Variants in DDI2 observed in about 807,000 individuals in gnomAD.
The protein encoded by DDI2 is DDI proteasomal shuttling factor 2, also known as protein DDI1 homolog 2.
DDI2 carries 5 observed loss-of-function variants against 48.1 expected under a neutral mutation model. That is an observed-to-expected ratio of 0.10 (90% CI 0.05 to 0.22). The LOEUF (loss-of-function observed/expected upper bound fraction) is 0.22. Ranked by LOEUF, DDI2 falls within the 10% of genes least tolerant of loss-of-function variation. DDI2 has a pLI of 1.00. For missense variants in DDI2, 285 were observed against 506.2 expected, an observed-to-expected ratio of 0.56 and a Z score of 4.19; for synonymous variants, 205 against 183.6, an observed-to-expected ratio of 1.12 and a Z score of -0.94.
In DDI2 at chr1:15,665,485, A is replaced by G. The variant is rs1431990895; in HGVS notation, c.*5695A>G. On this transcript the variant is annotated 3_prime_UTR_variant, in exon 10 of 10. Coordinates refer to ENST00000480945, the MANE Select transcript of DDI2 (RefSeq NM_032341.5). ...CATGAGGCTTTTTGTCACTGATTTT[A>G]TGATAACCAGTTAATGTGGAATCTG... is the stretch of plus-strand genomic sequence containing the variant. 1 of 152,160 alleles carries G rather than the reference A, an allele frequency of 6.6e-6. No individual in the cohort carries two copies. The highest frequency in any genetic ancestry group is 1.5e-5 in the Non-Finnish European group (1 of 68,034). The allele number at this position is 152,160 out of a possible 1,614,324, so 9.4% of individuals were successfully genotyped here. A position where few individuals can be genotyped will look rare whatever the true frequency, so the allele number is the denominator to read the frequency against.
rs779927649 is a variant in DDI2 at position 15,630,441 on chromosome 1, C to T, written c.385C>T (p.Pro129Ser). ...ATCTCCTGGAGAAATAACTTCATCT[C>T]CTCAGGGCTTGGACAATCCAGCCTT... is the stretch of plus-strand genomic sequence containing the variant. ...HSSPGEITSS[P>S]QGLDNPALLR... Residue 129 changes from proline to serine, a missense_variant, in exon 3 of 10, where the codon CCT becomes TCT. Physicochemically the swap from Pro to Ser is moderately conservative, Grantham distance 74. Coordinates refer to ENST00000480945, the MANE Select transcript of DDI2 (RefSeq NM_032341.5). The T allele has an allele frequency of 1.8e-5, 29 of 1,614,240 alleles. No homozygotes were observed. Among genetic ancestry groups the T allele is most frequent in the South Asian group, 1.3e-4 (12 of 91,082 alleles).
intron 8 of DDI2, among the ~76,000 whole-genome samples, chr1:15,654,065 G>A (rs1176904011): frequency 6.6e-6 from 1 of 152,040 alleles, no homozygotes; most frequent in Non-Finnish European, 1.5e-5. Context: ...TTTGAGTTTG[G>A]GTTATTTTAC....
At position 15,656,386 on chromosome 1, in the gene DDI2, T is replaced by C. The variant is rs966472430; in HGVS notation, c.1184-231T>C. On this transcript the variant is annotated intron_variant, in intron 8 of 9. Transcript: ENST00000480945. ...TGTGTAGAAACAAAATTAATTTCTT[T>C]ACAAGATCTATTAAAAATCTGTTGA... 5.0e-6 allele frequency: 7 copies of C among 1,394,900 alleles called. No individual in the cohort carries two copies. The African/African-American group carries it at 7.3e-5, about 15-fold the overall frequency. 86.4% of individuals were successfully genotyped at this position (1,394,900 alleles called of 1,614,324 possible).
rs767665307 is a variant in DDI2, at chr1:15,661,382, A to G, written c.*1592A>G. On this transcript the variant is annotated 3_prime_UTR_variant, in exon 10 of 10. Coordinates refer to ENST00000480945, the MANE Select transcript of DDI2 (RefSeq NM_032341.5). ...TTAGCAGGTGAGGAGGATGCACTCA[A>G]TCAGACTTCTGAGCAAACTAAGTCT... 5.0e-6 allele frequency: 8 copies of G among 1,614,216 alleles called. No individual in the cohort carries two copies. The highest frequency in any genetic ancestry group is 1.3e-5 in the African/African-American group (1 of 75,066).
intron 5 of DDI2, 113 bp from the exon 6 acceptor site, chr1:15,643,409 C>G: frequency 6.8e-7 from 1 of 1,463,746 alleles, no homozygotes; most frequent in Non-Finnish European, 9.1e-7. Context: ...TTATAGAGAC[C>G]AAAGCCTTGG....
At chr1:15,638,531 T>C in intron 5 of DDI2, 97 bp downstream of exon 5, 1 of 138,436 alleles carries the variant, frequency 7.2e-6, no homozygotes, top group Admixed American at 8.7e-5. Context: ...ATGGCTGTAC[T>C]TTTTTTTTTT....
Position 15,660,771 on chromosome 1 carries a change from G to C in DDI2, c.*981G>C. ...AATGTAACCCTTCATCTGAAATTTTGAATGATTCCATTTCCACTCAGGATT... is the reference window on the plus strand; with the variant it reads ...AATGTAACCCTTCATCTGAAATTTTCAATGATTCCATTTCCACTCAGGATT... On this transcript the variant is annotated 3_prime_UTR_variant, in exon 10 of 10. Transcript: ENST00000480945. 6.2e-7 allele frequency: 1 copy of C among 1,613,750 alleles called. No homozygotes were observed. Among genetic ancestry groups the C allele is most frequent in the South Asian group, 1.1e-5 (1 of 90,994 alleles).
Position 15,649,820 on chromosome 1 carries a change from C to G in DDI2, c.990C>G (p.His330Gln). 3 of 1,607,708 alleles carry G rather than the reference C, an allele frequency of 1.9e-6. No homozygotes were observed. Among genetic ancestry groups the G allele is most frequent in the Non-Finnish European group, 2.5e-6 (3 of 1,178,016 alleles). ...TGGGACTGGACATGCTTAAACGGCA[C>G]CAGGTAATTAAGAGCTTCACTTATT... The part of the protein sequence containing the change: ...MLLGLDMLKR[H>Q]QCSIDLKKNV... Residue 330 changes from histidine (H) to glutamine (Q), a missense_variant, in exon 7 of 10, where the codon CAC (histidine) becomes CAG (glutamine). Coordinates refer to ENST00000480945, the MANE Select transcript of DDI2 (RefSeq NM_032341.5).
intron 8 of DDI2, among the ~76,000 whole-genome samples, 155 bp downstream of exon 8, chr1:15,652,050 T>C (rs1640192675): frequency 6.8e-6 from 1 of 147,594 alleles, no homozygotes; most frequent in African/African-American, 2.6e-5. Context: ...CCTCCTTCTT[T>C]GATCTTCCTT....
chr1:15,625,447 A>G (rs1639737729), intron 1 of DDI2, among the ~76,000 whole-genome samples: 1 of 152,140 alleles, frequency 6.6e-6, no homozygotes, highest in Non-Finnish European at 1.5e-5. Flanking sequence ...TGATAAAATT[A>G]TAGTGTACCT....
chr1:15,628,980 T>A (rs972044721), intron 2 of DDI2, among the ~76,000 whole-genome samples: 7 of 152,196 alleles, frequency 4.6e-5, no homozygotes, highest in African/African-American at 7.2e-5. Context: ...TGTGTAAGGA[T>A]TAAAATTCCC....
Position 15,666,326 on chromosome 1 carries a change from G to A in DDI2, c.*6536G>A, listed in dbSNP as rs913375138. On this transcript the variant is annotated 3_prime_UTR_variant, in exon 10 of 10. Coordinates refer to ENST00000480945, the MANE Select transcript of DDI2 (RefSeq NM_032341.5). Reference sequence around the variant, plus strand: ...TGGTGGGGAATGAGAGGAGTATTAGGGGAAAGTTTGAAAATAGCTCTCCTG... The same window carrying A: ...TGGTGGGGAATGAGAGGAGTATTAGAGGAAAGTTTGAAAATAGCTCTCCTG... The A allele has an allele frequency of 3.9e-5, 6 of 152,202 alleles. No homozygotes were observed. Among genetic ancestry groups the A allele is most frequent in the Admixed American group, 3.9e-4 (6 of 15,268 alleles). 9.4% of individuals were successfully genotyped at this position (152,202 alleles called of 1,614,324 possible).
chr1:15,622,860 C>G (rs1444115454), intron 1 of DDI2, among the ~76,000 whole-genome samples: 1 of 152,142 alleles, frequency 6.6e-6, no homozygotes, highest in Non-Finnish European at 1.5e-5. Flanking sequence ...TTTAGTTGAT[C>G]TCATTTATGT....
intron 1 of DDI2, among the ~76,000 whole-genome samples, chr1:15,623,557 C>CTTATTATTATTATTATTA (rs202147595): frequency 0.03 from 2,511 of 84,020 alleles, 91 homozygotes; most frequent in African/African-American, 0.1. Flanking sequence ...CCATGCCTGG[C>CTTATTATTATTATTATTA]TTATTATTAT....
chr1:15,632,037 C>G (rs752115236), intron 3 of DDI2, among the ~76,000 whole-genome samples: 6 of 151,870 alleles, frequency 4.0e-5, no homozygotes, highest in Non-Finnish European at 8.8e-5. Context: ...AACTCCTGAC[C>G]TCGTGATCCA....
At chr1:15,631,869 G>A (rs567521163) in intron 3 of DDI2, among the ~76,000 whole-genome samples, 20 of 151,670 alleles carry the variant, frequency 1.3e-4, no homozygotes, top group Non-Finnish European at 2.4e-4. Flanking sequence ...GCAGTGGCGC[G>A]ATCTCTGCTC....
intron 1 of DDI2, among the ~76,000 whole-genome samples, chr1:15,623,760 T>C (rs1386631461): frequency 6.6e-6 from 1 of 151,926 alleles, no homozygotes; most frequent in African/African-American, 2.4e-5. Flanking sequence ...AAATAAATTT[T>C]CTCTTATAAA....
At chr1:15,652,463 G>A (rs949004520) in intron 8 of DDI2, among the ~76,000 whole-genome samples, 2 of 101,674 alleles carry the variant, frequency 2.0e-5, no homozygotes, top group African/African-American at 3.4e-5. Flanking sequence ...GGGGGGGGGG[G>A]GGCGGATCAC....
intron 7 of DDI2, among the ~76,000 whole-genome samples, chr1:15,650,816 T>C (rs1640166425): frequency 6.6e-6 from 1 of 152,226 alleles, no homozygotes; most frequent in Non-Finnish European, 1.5e-5. Context: ...TAAAAGTAGA[T>C]GCATCATATT....
Sources: gnomAD v4.1 joint callset for allele counts (sites outside exome capture counted in the v4.1 genomes callset) on GRCh38, gnomAD v4.1.1 for gene constraint, MANE v1.5 for transcripts, NCBI Gene and HGNC (gene_info 2026-07-23, HGNC 2026-07-21) for gene names.